The following TDP1 variants were observed in gnomAD, a reference collection of about 807,000 sequenced individuals.
TDP1 encodes tyrosyl-DNA phosphodiesterase 1.
A neutral mutation model predicts 81.5 loss-of-function variants in TDP1; 64 were observed. The observed-to-expected ratio is 0.79, with a 90% CI of 0.64 to 0.97. The LOEUF (loss-of-function observed/expected upper bound fraction) is 0.97. TDP1 is among the 50% of genes least tolerant of loss of function. TDP1 has a pLI of 0.00. For missense variants in TDP1, 723 were observed against 743.8 expected (o/e 0.97, Z 0.33); for synonymous variants, 256 against 264.3 (o/e 0.97, Z 0.30).
Position 89,963,650 on chromosome 14 carries a change from ACTCT to A in TDP1, c.537_540del (p.Asn179LysfsTer33). 6.2e-7 allele frequency: 1 copy of A among 1,613,938 alleles called. No individual in the cohort carries two copies. Among genetic ancestry groups the A allele is most frequent in the Admixed American group, 1.7e-5 (1 of 60,002 alleles). On this transcript the variant is annotated frameshift_variant, in exon 3 of 17. Transcript: ENST00000335725. LOFTEE classifies it high-confidence loss of function. ...GTCTCTGGAGTTAAGCCAAAGTATA[ACTCT>A]GGAGCCCTCCACATCAAGGGTAAGA...
intron 6 of TDP1, among the ~76,000 whole-genome samples, chr14:89,974,177 T>C (rs1032694372): frequency 6.6e-6 from 1 of 152,218 alleles, no homozygotes; most frequent in Non-Finnish European, 1.5e-5. Flanking sequence ...AATTGATTGC[T>C]AATGCTGTTC....
At chr14:89,976,172 C>G (rs1894289765) in intron 7 of TDP1, among the ~76,000 whole-genome samples, 1 of 152,048 alleles carries the variant, frequency 6.6e-6, no homozygotes, top group African/African-American at 2.4e-5. Context: ...GTGGCATGAT[C>G]ACAGCTCACT....
At chr14:90,022,596 T>G (rs1205585165) in intron 15 of TDP1, 1 of 197,524 alleles carries the variant, frequency 5.1e-6, no homozygotes, top group Non-Finnish European at 9.1e-6. Context: ...GGGTAGATAC[T>G]ACCAAGGGGT....
chr14:90,014,779 T>C (rs1434987671), intron 14 of TDP1, among the ~76,000 whole-genome samples: 1 of 152,218 alleles, frequency 6.6e-6, no homozygotes, highest in Non-Finnish European at 1.5e-5. Context: ...GTGAATCTAA[T>C]CAGCCACTCT....
At chr14:89,993,248 G>T in intron 13 of TDP1, 128 bp from the exon 14 acceptor site, 2 of 1,287,334 alleles carry the variant, frequency 1.6e-6, no homozygotes, top group Non-Finnish European at 2.1e-6. Flanking sequence ...AATCTCACAG[G>T]TCACAGAGTC....
At chr14:89,975,459 A>G (rs1894175819) in intron 6 of TDP1, 2 of 984,622 alleles carry the variant, frequency 2.0e-6, no homozygotes, top group Non-Finnish European at 1.2e-6. Context: ...TTGCATAGAG[A>G]CTCACTTGTT....
At chr14:90,015,287 G>T (rs1179944071) in intron 14 of TDP1, among the ~76,000 whole-genome samples, 1 of 152,152 alleles carries the variant, frequency 6.6e-6, no homozygotes, top group Non-Finnish European at 1.5e-5. Flanking sequence ...TGCCATTCCT[G>T]TGCTCTCCTG....
intron 16 of TDP1, among the ~76,000 whole-genome samples, chr14:90,036,472 C>T (rs1887826853): frequency 6.6e-6 from 1 of 152,168 alleles, no homozygotes; most frequent in Non-Finnish European, 1.5e-5. Flanking sequence ...CTACAAAAAG[C>T]TTAGCAAAGG....
intron 15 of TDP1, among the ~76,000 whole-genome samples, chr14:90,020,374 C>CCCTTCCTTCCTT (rs1188651056): frequency 2.7e-5 from 3 of 112,630 alleles, no homozygotes; most frequent in Admixed American, 8.7e-5. Context: ...CTCCCTCCCT[C>CCCTTCCTTCCTT]CCTTCCTTCC....
chr14:89,964,201 TGAA>T (rs201963285), intron 3 of TDP1, among the ~76,000 whole-genome samples: 12 of 150,650 alleles, frequency 8.0e-5, no homozygotes, highest in Admixed American at 1.3e-4. Context: ...TAGTTCCTGG[TGAA>T]GAAGAAGAAG....
chr14:89,985,056 T>C (rs1192418491), intron 9 of TDP1, 76 bp from the exon 10 acceptor site: 7 of 1,344,734 alleles, frequency 5.2e-6, no homozygotes, highest in South Asian at 5.2e-5. Flanking sequence ...TTAGTTTTCA[T>C]GTGTATTTTG....
chr14:89,988,645 GT>G lies in TDP1; in HGVS notation c.1132-255del, dbSNP rs564590520. The G allele has an allele frequency of 5.1e-6, 5 of 981,094 alleles. No homozygotes were observed. In the South Asian group the frequency reaches 1.9e-4, roughly 37 times the overall value. 60.8% of individuals were successfully genotyped at this position (981,094 alleles called of 1,614,324 possible). The stretch of plus-strand genomic sequence containing the variant: ...TTCTGAAATGGGCCTTTTTAAACCT[GT>G]TTTTGCTTTTAGTACAAATCAAATA... On this transcript the variant is annotated intron_variant, in intron 10 of 16. Coordinates refer to ENST00000335725, the MANE Select transcript of TDP1 (RefSeq NM_018319.4).
In TDP1 at chr14:89,963,015, A is replaced by G. The variant is rs1892511965; in HGVS notation, c.-7-93A>G. Reference sequence around the variant, plus strand: ...GGTGGTTCAGCCTCTGGAAGGTGTCAGCTCATCTGACAGGGAAGTTGAGAG... The same window carrying G: ...GGTGGTTCAGCCTCTGGAAGGTGTCGGCTCATCTGACAGGGAAGTTGAGAG... On this transcript the variant is annotated intron_variant, in intron 2 of 16. Transcript: ENST00000335725. 3 of 1,595,188 alleles carry G rather than the reference A, an allele frequency of 1.9e-6. 1 individual carries two copies. The Admixed American group carries it at 5.2e-5, about 28-fold the overall frequency.
chr14:89,963,106 A>G lies in TDP1; in HGVS notation c.-7-2A>G, dbSNP rs370532651. On this transcript the variant is annotated splice_acceptor_variant, in intron 2 of 16. Coordinates refer to ENST00000335725, the MANE Select transcript of TDP1 (RefSeq NM_018319.4). LOFTEE classifies it low-confidence loss of function (5UTR_SPLICE). ...GCTGATGTTTCCACTTTTCATTTCC[A>G]GGAGTATAATGTCTCAGGAAGGCGA... 1.2e-6 allele frequency: 2 copies of G among 1,614,088 alleles called. No homozygotes were observed. Among genetic ancestry groups the G allele is most frequent in the Admixed American group, 1.7e-5 (1 of 60,012 alleles).
In TDP1 at chr14:89,997,138, A is replaced by G. The variant is rs542255780; in HGVS notation, c.1541+3655A>G. On this transcript the variant is annotated intron_variant, in intron 14 of 16. Coordinates refer to ENST00000335725, the MANE Select transcript of TDP1 (RefSeq NM_018319.4). ...ACTTCTGGAGCCTGGTGGCTTCCAT[A>G]ATGCCCTAGATTCCTGCATTGTCAG... Among the ~76,000 whole-genome samples the G allele has an allele frequency of 3.3e-5, 5 of 152,294 alleles. No individual in the cohort carries two copies. The East Asian group carries it at 9.6e-4, about 29-fold the overall frequency.
rs1378214374 is a variant in TDP1, at chr14:89,963,296, C to G, written c.182C>G (p.Ser61Ter). ...AQKAAHKRKI[S>*]PVKFSNTDSV... The stretch of plus-strand genomic sequence containing the variant: ...AAAGCTGCACACAAGAGGAAAATAT[C>G]ACCTGTGAAATTCAGCAATACAGAT... Residue 61 changes from serine to a stop codon, truncating the protein, a stop_gained, in exon 3 of 17, where the codon TCA becomes TGA. Coordinates refer to ENST00000335725, the MANE Select transcript of TDP1 (RefSeq NM_018319.4). LOFTEE classifies it high-confidence loss of function. 6.2e-7 allele frequency: 1 copy of G among 1,614,170 alleles called. No homozygotes were observed. Among genetic ancestry groups the G allele is most frequent in the South Asian group, 1.1e-5 (1 of 91,090 alleles).
intron 2 of TDP1, among the ~76,000 whole-genome samples, chr14:89,957,438 G>A (rs961489370): frequency 3.3e-5 from 5 of 152,166 alleles, no homozygotes; most frequent in African/African-American, 1.2e-4. Context: ...TAACTAACCT[G>A]CCCAAGTGCA....
At position 89,984,543 on chromosome 14, in the gene TDP1, A is replaced by T. The variant is rs1434463132; in HGVS notation, c.912A>T (p.Arg304=). The T allele has an allele frequency of 6.2e-7, 1 of 1,614,150 alleles. No homozygotes were observed. Among genetic ancestry groups the T allele is most frequent in the Non-Finnish European group, 8.5e-7 (1 of 1,180,034 alleles). The stretch of plus-strand genomic sequence containing the variant: ...TATGGTTGAGCCCCTTATACCCACG[A>T]ATTGCTGATGGAACCCACAAATCTG... ...QGIWLSPLYP[R]IADGTHKSGE... is the part of the protein sequence containing the mutation. The change falls in exon 9 of 17, where the codon CGA becomes CGT. Residue 304 remains arginine, a synonymous_variant. Coordinates refer to ENST00000335725, the MANE Select transcript of TDP1 (RefSeq NM_018319.4).
Position 89,989,076 on chromosome 14 carries a change from G to T in TDP1, c.1303G>T (p.Val435Phe), listed in dbSNP as rs1351215095. The T allele has an allele frequency of 6.2e-7, 1 of 1,613,798 alleles. No homozygotes were observed. Among genetic ancestry groups the T allele is most frequent in the Non-Finnish European group, 8.5e-7 (1 of 1,179,854 alleles). The change falls in exon 11 of 17, where the codon GTT becomes TTT. Residue 435 changes from valine to phenylalanine, a missense_variant. Transcript: ENST00000335725. ...AAGCAAGACTCCAGGAAAAAGCTCT[G>T]TTCCTCTTTACTTGGTGAGTTCTCG... ...KESKTPGKSS[V>F]PLYLIYPSVE...
Sources: allele counts gnomAD v4.1 joint callset (sites outside exome capture counted in the v4.1 genomes callset), GRCh38; gene constraint gnomAD v4.1.1; transcripts MANE v1.5; gene names NCBI Gene and HGNC (gene_info 2026-07-23, HGNC 2026-07-21).